The following PCDH15 variants were observed in gnomAD, a reference collection of about 807,000 sequenced individuals.
PCDH15 encodes the protein protocadherin related 15, also known as protocadherin-15.
PCDH15 carries 129 observed loss-of-function variants against 178.5 expected under a neutral mutation model. The ratio of observed to expected loss-of-function variants is 0.72; its 90% CI spans 0.63 to 0.84. PCDH15 has a LOEUF of 0.84. Among genes scored for constraint, PCDH15 ranks in the 40% least tolerant of loss-of-function variants. The pLI is 0.00. For missense variants in PCDH15, 2,230 were observed against 2,099.9 expected (o/e 1.06, Z -1.21); for synonymous variants, 800 against 732.0 (o/e 1.09, Z -1.50).
chr10:55,169,984 AAAGGAAGGAAGG>A (rs10557432), intron 1 of PCDH15, among the ~76,000 whole-genome samples: 1 of 151,034 alleles, frequency 6.6e-6, no homozygotes, highest in Non-Finnish European at 1.5e-5. Flanking sequence ...CTGATAGAAT[AAAGGAAGGAAGG>A]AAGGAAGGAA....
chr10:53,903,871 C>A (rs540023101), intron 25 of PCDH15, among the ~76,000 whole-genome samples: 3 of 152,002 alleles, frequency 2.0e-5, no homozygotes, highest in African/African-American at 7.2e-5. Flanking sequence ...TAACAGTGTT[C>A]GGGTGAGGTG....
rs917142711 is a variant in PCDH15, at chr10:55,349,011, T to C, written c.-155-182360A>G. 5.9e-5 allele frequency among the ~76,000 whole-genome samples: 9 copies of C among 152,124 alleles called. No homozygotes were observed. The East Asian group carries it at 9.6e-4, about 16-fold the overall frequency. On this transcript the variant is annotated intron_variant, in intron 2 of 5. Transcript: ENST00000613346. ...AATGGAAACAAAGCTACCAGAGAGA[T>C]GACTGGGCAGGAGTCTAGGTGACAG...
At chr10:54,514,707 T>C (rs1406412058) in intron 3 of PCDH15, among the ~76,000 whole-genome samples, 2 of 151,758 alleles carry the variant, frequency 1.3e-5, no homozygotes, top group African/African-American at 4.8e-5. Flanking sequence ...AACAAATCTA[T>C]TCATTGTGAA....
At chr10:55,506,024 AACATGAAAATGTTGT>A (rs372397455) in intron 2 of PCDH15, among the ~76,000 whole-genome samples, 2,013 of 151,554 alleles carry the variant, frequency 0.013, 45 homozygotes, top group African/African-American at 0.045. Context: ...TTTGGTCATT[AACATGAAAATGTTGT>A]AAAAATAGCA....
At chr10:54,420,047 T>C (rs919608194) in intron 3 of PCDH15, among the ~76,000 whole-genome samples, 1 of 152,076 alleles carries the variant, frequency 6.6e-6, no homozygotes, top group African/African-American at 2.4e-5. Context: ...CACAGAAAAA[T>C]CAACTCAGTT....
chr10:55,598,137 A>T (rs949252607), intron 2 of PCDH15, among the ~76,000 whole-genome samples: 3 of 152,134 alleles, frequency 2.0e-5, no homozygotes, highest in African/African-American at 7.2e-5. Context: ...TGTGCCAGCC[A>T]CCGCGGCCAT....
At chr10:54,804,207 T>C (rs1213997788), upstream of PCDH15, among the ~76,000 whole-genome samples, 1 of 152,066 alleles carries the variant, frequency 6.6e-6, no homozygotes, top group African/African-American at 2.4e-5. Flanking sequence ...GCCCAGCTAA[T>C]TTTTTGCATT....
At position 54,139,123 on chromosome 10, in the gene PCDH15, T is replaced by C. The variant is rs181542072; in HGVS notation, c.1785-6116A>G. 1.8e-3 allele frequency among the ~76,000 whole-genome samples: 275 copies of C among 152,284 alleles called. 1 individual carries two copies. Among genetic ancestry groups the C allele is most frequent in the African/African-American group, 5.7e-3 (238 of 41,566 alleles). On this transcript the variant is annotated intron_variant, in intron 14 of 37. Transcript: ENST00000644397. ...TAGATATGATTGAGGTGTCATGGTTTGGCATAGAAGGTTATAGAACTATAA... is the reference window on the plus strand; with the variant it reads ...TAGATATGATTGAGGTGTCATGGTTCGGCATAGAAGGTTATAGAACTATAA...
At position 54,354,104 on chromosome 10, in the gene PCDH15, G is replaced by C. The variant is rs1188328816; in HGVS notation, c.475-7620C>G. ...GGGTTCAAGCAATTCTCCTGCCTCA[G>C]CCTCCCAAGTAGCTGGGATTACAGG... On this transcript the variant is annotated intron_variant, in intron 5 of 37. Transcript: ENST00000644397. 7.9e-5 allele frequency among the ~76,000 whole-genome samples: 12 copies of C among 152,264 alleles called. No individual in the cohort carries two copies. The East Asian group carries it at 2.3e-3, about 30-fold the overall frequency.
intron 2 of PCDH15, among the ~76,000 whole-genome samples, chr10:55,395,188 TGTGTGTGTGAGA>T (rs1837892209): frequency 1.1e-5 from 1 of 89,972 alleles, no homozygotes; most frequent in Non-Finnish European, 2.2e-5. Context: ...TGTGTGTGTG[TGTGTGTGTGAGA>T]GAGAGAGAGA....
chr10:55,451,473 G>A (rs1045189388), intron 2 of PCDH15, among the ~76,000 whole-genome samples: 1 of 149,610 alleles, frequency 6.7e-6, no homozygotes, highest in Non-Finnish European at 1.5e-5. Flanking sequence ...ACTCCAGCCT[G>A]GGAGACAGAG....
At position 54,485,550 on chromosome 10, in the gene PCDH15, A is replaced by G. The variant is rs1293336175; in HGVS notation, c.157+42262T>C. On this transcript the variant is annotated intron_variant, in intron 3 of 37. Coordinates refer to ENST00000644397, the MANE Select transcript of PCDH15 (RefSeq NM_001384140.1). ...CTTCATCTCTGCTCCCTGAAAGCCA[A>G]AAACAACAGGCTACTATTTTTGTTT... Among the ~76,000 whole-genome samples, 3 of 152,000 alleles carry G rather than the reference A, an allele frequency of 2.0e-5. No individual in the cohort carries two copies. In the East Asian group the frequency reaches 5.8e-4, roughly 29 times the overall value.
At chr10:54,499,248 T>C (rs367671368) in intron 3 of PCDH15, among the ~76,000 whole-genome samples, 1 of 152,176 alleles carries the variant, frequency 6.6e-6, no homozygotes, top group African/African-American at 2.4e-5. Context: ...CCAATGACAG[T>C]ATTAGACAGA....
chr10:55,520,930 T>C (rs978097433), intron 2 of PCDH15, among the ~76,000 whole-genome samples: 1 of 151,934 alleles, frequency 6.6e-6, no homozygotes. Flanking sequence ...TTATTGTGTG[T>C]GTTTGTCTCT....
chr10:54,388,075 A>C (rs1289851733), intron 3 of PCDH15, among the ~76,000 whole-genome samples: 1 of 152,166 alleles, frequency 6.6e-6, no homozygotes, highest in Non-Finnish European at 1.5e-5. Context: ...AACTGTATGA[A>C]TATACTTAAT....
intron 7 of PCDH15, among the ~76,000 whole-genome samples, chr10:54,326,595 T>C (rs1222555901): frequency 1.3e-5 from 2 of 152,134 alleles, no homozygotes; most frequent in Non-Finnish European, 2.9e-5. Context: ...AATATACCCA[T>C]TTTACTGGTT....
intron 1 of PCDH15, among the ~76,000 whole-genome samples, chr10:55,277,689 T>G (rs553315741): frequency 6.6e-6 from 1 of 152,084 alleles, no homozygotes; most frequent in Admixed American, 6.6e-5. Flanking sequence ...GTCTCAGAGC[T>G]TGTCAGCTCT....
chr10:54,820,276 T>C (rs566016305), intron 3 of PCDH15, among the ~76,000 whole-genome samples: 1 of 152,194 alleles, frequency 6.6e-6, no homozygotes, highest in African/African-American at 2.4e-5. Context: ...CCAGTCGCTA[T>C]GTTCTACATG....
chr10:54,096,650 T>C (rs2094705041), intron 15 of PCDH15, among the ~76,000 whole-genome samples: 1 of 152,284 alleles, frequency 6.6e-6, no homozygotes, highest in Admixed American at 6.5e-5. Context: ...ACTTACATAG[T>C]AGAAACAGAG....
Sources: gnomAD v4.1 joint callset for allele counts (sites outside exome capture counted in the v4.1 genomes callset) on GRCh38, gnomAD v4.1.1 for gene constraint, MANE v1.5 for transcripts, NCBI Gene and HGNC (gene_info 2026-07-23, HGNC 2026-07-21) for gene names.